Variants in KCNG2 observed in about 807,000 individuals in gnomAD.
KCNG2 encodes potassium voltage-gated channel modifier subfamily G member 2.
KCNG2 carries 7 observed loss-of-function variants against 12.3 expected under a neutral mutation model. The ratio of observed to expected loss-of-function variants is 0.57; its 90% CI spans 0.32 to 1.07. KCNG2 has a LOEUF of 1.07. Ranked by LOEUF, KCNG2 falls within the 50% of genes least tolerant of loss-of-function variation. The pLI, the probability that KCNG2 is intolerant of heterozygous loss-of-function variation, is 0.04. For synonymous variants in KCNG2, 414 were observed against 351.4 expected (o/e 1.18, Z -1.99); for missense variants, 703 against 726.0 (o/e 0.97, Z 0.36).
intron 3 of KCNG2, among the ~76,000 whole-genome samples, chr18:79,871,306 G>A (rs1208169306): frequency 6.6e-6 from 1 of 152,220 alleles, no homozygotes; most frequent in Non-Finnish European, 1.5e-5. Flanking sequence ...GACCCTTGGA[G>A]CCCTGAACGG....
Position 79,860,205 on chromosome 18 carries a change from T to C in KCNG2, c.-40-3423T>C, listed in dbSNP as rs555093291. Among the ~76,000 whole-genome samples the C allele has an allele frequency of 9.2e-5, 14 of 152,324 alleles. No individual in the cohort carries two copies. The South Asian group carries it at 2.9e-3, about 32-fold the overall frequency. On this transcript the variant is annotated intron_variant, in intron 2 of 3. Coordinates refer to ENST00000316249, the MANE Select transcript of KCNG2 (RefSeq NM_012283.2). ...TGTAATAAAATGATATCAAGTAAGT[T>C]TGAGCCCTCCAACTTTGTCCTTTGT...
chr18:79,837,080 T>G (rs776816549), intron 1 of KCNG2, among the ~76,000 whole-genome samples: 3 of 152,190 alleles, frequency 2.0e-5, no homozygotes, highest in African/African-American at 7.2e-5. Flanking sequence ...AGTTAGATAC[T>G]TCCAAGATAA....
rs1044471234 is a variant in KCNG2 at position 79,800,864 on chromosome 18, G to A, written c.-115+2850G>A. 7.9e-5 allele frequency among the ~76,000 whole-genome samples: 12 copies of A among 152,330 alleles called. No homozygotes were observed. The highest frequency in any genetic ancestry group is 2.1e-4 in the South Asian group (1 of 4,826). Reference sequence around the variant, plus strand: ...AAATGTCAAGTCAAAATGGGTCCCCGGCGGGGCCAGGAGAACACCCAGACT... The same window carrying A: ...AAATGTCAAGTCAAAATGGGTCCCCAGCGGGGCCAGGAGAACACCCAGACT... On this transcript the variant is annotated intron_variant, in intron 1 of 3. Transcript: ENST00000316249. The surrounding 1 kb of genome is among the most constrained non-coding windows in gnomAD (Gnocchi z 4.0).
intron 3 of KCNG2, among the ~76,000 whole-genome samples, chr18:79,873,294 C>G (rs1270210420): frequency 6.6e-6 from 1 of 152,130 alleles, no homozygotes; most frequent in East Asian, 1.9e-4. Context: ...TTTTCCCAGG[C>G]TGTTGTTTTT....
At chr18:79,898,258 G>A (rs1487145205) in intron 3 of KCNG2, among the ~76,000 whole-genome samples, 1 of 152,220 alleles carries the variant, frequency 6.6e-6, no homozygotes, top group Non-Finnish European at 1.5e-5. Flanking sequence ...GGGGGATGGG[G>A]ACAGCTGCGA....
intron 1 of KCNG2, among the ~76,000 whole-genome samples, chr18:79,847,498 CG>C (rs974026963): frequency 4.6e-5 from 7 of 152,222 alleles, no homozygotes; most frequent in Non-Finnish European, 8.8e-5. Flanking sequence ...GTGCGGACCA[CG>C]CTCCCTGTGG....
chr18:79,845,797 A>G (rs1458702504), intron 1 of KCNG2, among the ~76,000 whole-genome samples: 1 of 152,244 alleles, frequency 6.6e-6, no homozygotes, highest in Non-Finnish European at 1.5e-5. Context: ...CATATAGAAA[A>G]TAAAAGTGGC....
rs531948805 is a variant in KCNG2, at chr18:79,883,906, C to T, written c.625-15134C>T. Reference sequence around the variant, plus strand: ...TCTGCCATTTAGCACAGACTTGCACCGGCGTCCCCACCGGCACGTCCACGA... The same window carrying T: ...TCTGCCATTTAGCACAGACTTGCACTGGCGTCCCCACCGGCACGTCCACGA... On this transcript the variant is annotated intron_variant, in intron 3 of 3. Coordinates refer to ENST00000316249, the MANE Select transcript of KCNG2 (RefSeq NM_012283.2). Among the ~76,000 whole-genome samples the T allele has an allele frequency of 5.9e-5, 9 of 152,216 alleles. No individual in the cohort carries two copies. The South Asian group carries it at 1.0e-3, about 18-fold the overall frequency.
chr18:79,870,652 T>G (rs1979794031), intron 3 of KCNG2, among the ~76,000 whole-genome samples: 1 of 152,230 alleles, frequency 6.6e-6, no homozygotes, highest in Non-Finnish European at 1.5e-5. Context: ...CCTTGTACAT[T>G]CAGGCTGATT....
chr18:79,817,194 C>T (rs1043769531), intron 1 of KCNG2, among the ~76,000 whole-genome samples: 4 of 151,904 alleles, frequency 2.6e-5, no homozygotes, highest in Non-Finnish European at 4.4e-5. Context: ...ACTCACACAT[C>T]TGTCACATGG....
Position 79,803,903 on chromosome 18 carries a change from C to T in KCNG2, c.-115+5889C>T, listed in dbSNP as rs1599360722. ...TTCTCCGGGGTTGGTGCCGGTGGAT[C>T]AGAATCTTAGGCCTGGCCTGGCCGT... On this transcript the variant is annotated intron_variant, in intron 1 of 3. Coordinates refer to ENST00000316249, the MANE Select transcript of KCNG2 (RefSeq NM_012283.2). The surrounding 1 kb of genome is among the most constrained non-coding windows in gnomAD (Gnocchi z 4.5). Among the ~76,000 whole-genome samples the T allele has an allele frequency of 6.6e-6, 1 of 152,336 alleles. No individual in the cohort carries two copies. Among genetic ancestry groups the T allele is most frequent in the Admixed American group, 6.5e-5 (1 of 15,306 alleles).
intron 3 of KCNG2, among the ~76,000 whole-genome samples, chr18:79,885,491 T>A (rs1980490347): frequency 6.6e-6 from 1 of 152,206 alleles, no homozygotes; most frequent in Non-Finnish European, 1.5e-5. Flanking sequence ...GCTCTGTGGC[T>A]GCAGCTGCAC....
rs1979323994 is a variant in KCNG2 at position 79,863,791 on chromosome 18, C to T, written c.124C>T (p.Arg42Cys). 1 of 1,299,026 alleles carries T rather than the reference C, an allele frequency of 7.7e-7. No individual in the cohort carries two copies. The highest frequency in any genetic ancestry group is 9.8e-7 in the Non-Finnish European group (1 of 1,018,542). The allele number at this position is 1,299,026 out of a possible 1,614,324, so 80.5% of individuals were successfully genotyped here. Residue 42 changes from arginine to cysteine, a missense_variant, in exon 3 of 4, where the codon CGC becomes TGC. By Grantham distance (180) the Arg-to-Cys change is radical (BLOSUM62 -3). Coordinates refer to ENST00000316249, the MANE Select transcript of KCNG2 (RefSeq NM_012283.2). ...WAALARCPLARLERLRACRGH... is the reference protein window; with the variant it reads ...WAALARCPLACLERLRACRGH... Reference sequence around the variant, plus strand: ...CGCGCTGGCGCGATGCCCCCTCGCGCGCCTGGAGCGCCTGCGCGCCTGCCG... The same window carrying T: ...CGCGCTGGCGCGATGCCCCCTCGCGTGCCTGGAGCGCCTGCGCGCCTGCCG...
At chr18:79,846,744 C>T (rs1045765845) in intron 1 of KCNG2, among the ~76,000 whole-genome samples, 7 of 152,206 alleles carry the variant, frequency 4.6e-5, no homozygotes, top group African/African-American at 1.4e-4. Context: ...CAGCTGCAGT[C>T]GTATGCTCAC....
chr18:79,824,961 G>A (rs1322403965), intron 1 of KCNG2, among the ~76,000 whole-genome samples: 1 of 152,090 alleles, frequency 6.6e-6, no homozygotes, highest in Non-Finnish European at 1.5e-5. Flanking sequence ...ATCAGTGTTT[G>A]CTTACTTCAT....
intron 3 of KCNG2, among the ~76,000 whole-genome samples, chr18:79,868,003 G>A (rs1236471808): frequency 2.6e-5 from 4 of 152,202 alleles, no homozygotes; most frequent in East Asian, 1.9e-4. Context: ...GGTGTCTGGC[G>A]GCCAGGCTGC....
At position 79,884,311 on chromosome 18, in the gene KCNG2, C is replaced by A. The variant is rs923795764; in HGVS notation, c.625-14729C>A. On this transcript the variant is annotated intron_variant, in intron 3 of 3. Coordinates refer to ENST00000316249, the MANE Select transcript of KCNG2 (RefSeq NM_012283.2). The surrounding 1 kb of genome is among the most constrained non-coding windows in gnomAD (Gnocchi z 5.5). ...CCAAGAGAATTCGCCCCATCTAGGTCCCACCTAATGACACACACTCCCGTT... is the reference window on the plus strand; with the variant it reads ...CCAAGAGAATTCGCCCCATCTAGGTACCACCTAATGACACACACTCCCGTT... 1.3e-5 allele frequency among the ~76,000 whole-genome samples: 2 copies of A among 152,018 alleles called. No individual in the cohort carries two copies. The highest frequency in any genetic ancestry group is 2.9e-5 in the Non-Finnish European group (2 of 67,996).
In KCNG2 at chr18:79,884,237, G is replaced by T. The variant is rs1191098176; in HGVS notation, c.625-14803G>T. The stretch of plus-strand genomic sequence containing the variant: ...GCCCCTCCCCATGCCCCATGTCCCT[G>T]TTCTCAGCCCTCCTCCCGCCCCTCC... On this transcript the variant is annotated intron_variant, in intron 3 of 3. Transcript: ENST00000316249. The surrounding 1 kb of genome is among the most constrained non-coding windows in gnomAD (Gnocchi z 5.5). Among the ~76,000 whole-genome samples, 2 of 151,006 alleles carry T rather than the reference G, an allele frequency of 1.3e-5. No individual in the cohort carries two copies. The highest frequency in any genetic ancestry group is 2.4e-5 in the African/African-American group (1 of 40,930).
At chr18:79,827,634 A>G (rs1274720386) in intron 1 of KCNG2, among the ~76,000 whole-genome samples, 2 of 151,940 alleles carry the variant, frequency 1.3e-5, no homozygotes, top group Non-Finnish European at 2.9e-5. Context: ...AAGCGCGGGG[A>G]GAAGAGCGGG....
Sources: allele counts gnomAD v4.1 joint callset (sites outside exome capture counted in the v4.1 genomes callset), GRCh38; gene constraint gnomAD v4.1.1; non-coding constraint Gnocchi (gnomAD v3.1); transcripts MANE v1.5; gene names NCBI Gene and HGNC (gene_info 2026-07-23, HGNC 2026-07-21).